PIN1: variants seen among roughly 807,000 people sequenced by gnomAD.
PIN1 encodes the protein peptidylprolyl cis/trans isomerase, NIMA-interacting 1, also known as peptidyl-prolyl cis-trans isomerase NIMA-interacting 1.
In PIN1, 8 loss-of-function variants were observed where a neutral mutation model predicts 19.9. The ratio of observed to expected loss-of-function variants is 0.40; its 90% CI spans 0.24 to 0.72. The LOEUF (loss-of-function observed/expected upper bound fraction) is 0.72, where lower values mean the gene tolerates loss of function less well. Among genes scored for constraint, PIN1 ranks in the 30% least tolerant of loss-of-function variants. The pLI is 0.37. For missense variants in PIN1, 185 were observed against 226.5 expected, an observed-to-expected ratio of 0.82 and a Z score of 1.18; for synonymous variants, 86 against 90.8, an observed-to-expected ratio of 0.95 and a Z score of 0.30.
rs758147378 is a variant in PIN1, at chr19:9,838,201, C to T, written c.59-235C>T. ...TTGATACTATCCTGTGTTTCATTTGCTTGTTTAGCACCTGTCTGCTCTCAC... is the reference window on the plus strand; with the variant it reads ...TTGATACTATCCTGTGTTTCATTTGTTTGTTTAGCACCTGTCTGCTCTCAC... On this transcript the variant is annotated intron_variant, in intron 1 of 3. Transcript: ENST00000247970. This position sits in a 1 kb window ranked among gnomAD's most constrained non-coding sequence, Gnocchi z 5.8. 1.4e-5 allele frequency: 8 copies of T among 592,144 alleles called. No individual in the cohort carries two copies. In the East Asian group the frequency reaches 2.0e-4, roughly 15 times the overall value. The allele number at this position is 592,144 out of a possible 1,614,324, so 36.7% of individuals were successfully genotyped here.
Position 9,838,074 on chromosome 19 carries a change from A to G in PIN1, c.59-362A>G. 2.8e-6 allele frequency: 1 copy of G among 360,418 alleles called. No individual in the cohort carries two copies. Among genetic ancestry groups the G allele is most frequent in the Non-Finnish European group, 5.3e-6 (1 of 189,070 alleles). 22.3% of individuals were successfully genotyped at this position (360,418 alleles called of 1,614,324 possible). On this transcript the variant is annotated intron_variant, in intron 1 of 3. Transcript: ENST00000247970. The surrounding 1 kb of genome is among the most constrained non-coding windows in gnomAD (Gnocchi z 5.8). ...TGAACCCAGATTCAGATTTGAATCC[A>G]GGTGGCCTGGCTGCTGAGTGCATGG...
chr19:9,845,876 G>T (rs2046215612), intron 2 of PIN1, among the ~76,000 whole-genome samples: 1 of 152,162 alleles, frequency 6.6e-6, no homozygotes, highest in Non-Finnish European at 1.5e-5. Flanking sequence ...CTTGTTCAGG[G>T]CCTGGGCCTG....
In PIN1 at chr19:9,849,162, C is replaced by G; in HGVS notation, c.455C>G (p.Thr152Arg). ...GGGGAGATGAGCGGGCCCGTGTTCA[C>G]GGATTCCGGCATCCACATCATCCTC... ...RTGEMSGPVF[T>R]DSGIHIILRT... The change falls in exon 4 of 4, where the codon ACG (threonine) becomes AGG (arginine). Residue 152 changes from threonine (T) to arginine (R), a missense_variant. Thr to Arg is a moderately conservative substitution (Grantham distance 71). Transcript: ENST00000247970. The G allele has an allele frequency of 6.2e-7, 1 of 1,613,140 alleles. No individual in the cohort carries two copies. Among genetic ancestry groups the G allele is most frequent in the South Asian group, 1.1e-5 (1 of 91,004 alleles).
rs115147146 is a variant in PIN1, at chr19:9,838,052, A to G, written c.59-384A>G. On this transcript the variant is annotated intron_variant, in intron 1 of 3. Transcript: ENST00000247970. This position sits in a 1 kb window ranked among gnomAD's most constrained non-coding sequence, Gnocchi z 5.8. Reference sequence around the variant, plus strand: ...CCCAGGGAAGATATATCACATTTGAACCCAGATTCAGATTTGAATCCAGGT... The same window carrying G: ...CCCAGGGAAGATATATCACATTTGAGCCCAGATTCAGATTTGAATCCAGGT... 612 of 340,194 alleles carry G rather than the reference A, an allele frequency of 1.8e-3. 3 individuals are homozygous for G. The highest frequency in any genetic ancestry group is 0.012 in the African/African-American group (555 of 47,260). 21.1% of individuals were successfully genotyped at this position (340,194 alleles called of 1,614,324 possible).
In PIN1 at chr19:9,849,288, C is replaced by T. The variant is rs749845787; in HGVS notation, c.*89C>T. The T allele has an allele frequency of 1.2e-6, 1 of 829,456 alleles. No homozygotes were observed. The highest frequency in any genetic ancestry group is 2.0e-6 in the Non-Finnish European group (1 of 492,452). 51.4% of individuals were successfully genotyped at this position (829,456 alleles called of 1,614,324 possible). ...TGCCCGCCAGCCAGTGGCCGAACCC[C>T]CCACTCCCTGCCACCGTCACACAGT... On this transcript the variant is annotated 3_prime_UTR_variant, in exon 4 of 4. Coordinates refer to ENST00000247970, the MANE Select transcript of PIN1 (RefSeq NM_006221.4).
rs1354953088 is a variant in PIN1 at position 9,849,155 on chromosome 19, G to A, written c.448G>A (p.Val150Met). The A allele has an allele frequency of 3.7e-6, 6 of 1,613,512 alleles. No homozygotes were observed. The highest frequency in any genetic ancestry group is 1.3e-5 in the African/African-American group (1 of 74,936). Residue 150 changes from valine (V) to methionine (M), a missense_variant, in exon 4 of 4, where the codon GTG (valine) becomes ATG (methionine). Val to Met is a conservative substitution (Grantham distance 21). Transcript: ENST00000247970. The part of the protein sequence containing the change: ...ALRTGEMSGP[V>M]FTDSGIHIIL... ...GCGGACGGGGGAGATGAGCGGGCCC[G>A]TGTTCACGGATTCCGGCATCCACAT... is the stretch of plus-strand genomic sequence containing the variant.
At chr19:9,848,331 G>A in intron 3 of PIN1, 191 bp downstream of exon 3, 1 of 602,968 alleles carries the variant, frequency 1.7e-6, no homozygotes, top group Non-Finnish European at 3.0e-6. Context: ...CAGGGAGGGG[G>A]GCTGCAGCAC....
At position 9,838,695 on chromosome 19, in the gene PIN1, T is replaced by C; in HGVS notation, c.271+47T>C. Reference sequence around the variant, plus strand: ...GCTTGGGAGGGGGTCTTCTCCCAGGTGAGCCTTTGTAGAAGTCACATCAGA... The same window carrying C: ...GCTTGGGAGGGGGTCTTCTCCCAGGCGAGCCTTTGTAGAAGTCACATCAGA... On this transcript the variant is annotated intron_variant, in intron 2 of 3. Coordinates refer to ENST00000247970, the MANE Select transcript of PIN1 (RefSeq NM_006221.4). This position sits in a 1 kb window ranked among gnomAD's most constrained non-coding sequence, Gnocchi z 5.8. 7.0e-7 allele frequency: 1 copy of C among 1,434,442 alleles called. No homozygotes were observed. The highest frequency in any genetic ancestry group is 2.0e-4 in the Middle Eastern group (1 of 4,910). 88.9% of individuals were successfully genotyped at this position (1,434,442 alleles called of 1,614,324 possible).
At chr19:9,837,628 A>ATGTTGGTT (rs1174133596) in intron 1 of PIN1, 1 of 154,890 alleles carries the variant, frequency 6.5e-6, no homozygotes, top group African/African-American at 2.4e-5. Flanking sequence ...CGCCCGGCTA[A>ATGTTGGTT]TGTTGGTTTG....
At chr19:9,840,110 C>T (rs577118507) in intron 2 of PIN1, among the ~76,000 whole-genome samples, 1 of 152,170 alleles carries the variant, frequency 6.6e-6, no homozygotes, top group Admixed American at 6.5e-5. Context: ...CATTCTTGGC[C>T]GGGCGCGGTG....
At chr19:9,848,693 C>G in intron 3 of PIN1, 1 of 291,686 alleles carries the variant, frequency 3.4e-6, no homozygotes, top group Non-Finnish European at 6.6e-6. Flanking sequence ...GTGTGGTGTG[C>G]AGGTGTCTTA....
intron 2 of PIN1, among the ~76,000 whole-genome samples, chr19:9,839,415 CAAA>C (rs549874572): frequency 5.9e-5 from 5 of 84,292 alleles, no homozygotes; most frequent in African/African-American, 1.3e-4. Flanking sequence ...GGCACCATCT[CAAA>C]AAAAAAAAAA....
rs2046222752 is a variant in PIN1 at position 9,846,610 on chromosome 19, CCTGGG to C, written c.272-1419_272-1415del. ...AGGTTAGAGCGTGAGGCCGAGGGGCCCTGGGGACACTTGGATCAGTCCAGTGTGTT... is the reference window on the plus strand; with the variant it reads ...AGGTTAGAGCGTGAGGCCGAGGGGCCGACACTTGGATCAGTCCAGTGTGTT... On this transcript the variant is annotated intron_variant, in intron 2 of 3. Coordinates refer to ENST00000247970, the MANE Select transcript of PIN1 (RefSeq NM_006221.4). This position sits in a 1 kb window ranked among gnomAD's most constrained non-coding sequence, Gnocchi z 5.9. Among the ~76,000 whole-genome samples the C allele has an allele frequency of 6.6e-6, 1 of 152,132 alleles. No individual in the cohort carries two copies. The highest frequency in any genetic ancestry group is 6.5e-5 in the Admixed American group (1 of 15,274).
At chr19:9,849,019 C>T (rs2046248286) in intron 3 of PIN1, 71 bp from the exon 4 acceptor site, 2 of 943,786 alleles carry the variant, frequency 2.1e-6, no homozygotes, top group East Asian at 2.5e-5. Context: ...TCGCGGCTGC[C>T]ACCCGCCCTG....
Position 9,849,073 on chromosome 19 carries a change from C to T in PIN1, c.383-17C>T, listed in dbSNP as rs2046249120. 1.9e-6 allele frequency: 3 copies of T among 1,582,714 alleles called. No homozygotes were observed. The highest frequency in any genetic ancestry group is 1.7e-4 in the Middle Eastern group (1 of 6,040). ...CAGCCCAGCCCTGACACCCCCACCGCCCCTCCTGGCTCCCAGGTCAGATGC... is the reference window on the plus strand; with the variant it reads ...CAGCCCAGCCCTGACACCCCCACCGTCCCTCCTGGCTCCCAGGTCAGATGC... On this transcript the variant is annotated splice_polypyrimidine_tract_variant and intron_variant, in intron 3 of 3. Coordinates refer to ENST00000247970, the MANE Select transcript of PIN1 (RefSeq NM_006221.4).
chr19:9,844,804 G>C (rs1167877762), intron 2 of PIN1, among the ~76,000 whole-genome samples: 1 of 152,194 alleles, frequency 6.6e-6, no homozygotes, highest in Non-Finnish European at 1.5e-5. Flanking sequence ...TTTCTGCTTC[G>C]AGCCCCGTGG....
chr19:9,839,415 C>CA (rs549874572), intron 2 of PIN1, among the ~76,000 whole-genome samples: 2,585 of 84,142 alleles, frequency 0.031, 53 homozygotes, highest in African/African-American at 0.076. Flanking sequence ...GGCACCATCT[C>CA]AAAAAAAAAA....
intron 2 of PIN1, among the ~76,000 whole-genome samples, chr19:9,839,025 C>T (rs2046139956): frequency 6.6e-6 from 1 of 152,132 alleles, no homozygotes; most frequent in Admixed American, 6.6e-5. Flanking sequence ...GGGAATAAGG[C>T]AATGGATTTT....
At chr19:9,839,185 G>A (rs1262176795) in intron 2 of PIN1, among the ~76,000 whole-genome samples, 1 of 152,162 alleles carries the variant, frequency 6.6e-6, no homozygotes, top group African/African-American at 2.4e-5. Flanking sequence ...TGTAATCCCA[G>A]CACTTTGGGA....
Sources: gnomAD v4.1 joint callset for allele counts (sites outside exome capture counted in the v4.1 genomes callset) on GRCh38, gnomAD v4.1.1 for gene constraint, Gnocchi (gnomAD v3.1) non-coding constraint, MANE v1.5 for transcripts, NCBI Gene and HGNC (gene_info 2026-07-23, HGNC 2026-07-21) for gene names.